The following GNGT2 variants were observed in gnomAD, a reference collection of about 807,000 sequenced individuals.
GNGT2 encodes the protein G protein subunit gamma transducin 2, also known as guanine nucleotide-binding protein G(I)/G(S)/G(O) subunit gamma-T2.
In GNGT2, 4 loss-of-function variants were observed where a neutral mutation model predicts 3.5. The observed-to-expected ratio is 1.13, with a 90% CI of 0.56 to 2.59. GNGT2 has a LOEUF of 2.59. Ranked by LOEUF, GNGT2 falls within the 30% of genes most tolerant of loss-of-function variation. GNGT2 has a pLI of 0.02. For missense variants in GNGT2, 64 were observed against 81.2 expected (o/e 0.79, Z 0.82); for synonymous variants, 31 against 29.5 (o/e 1.05, Z -0.17).
chr17:49,209,334 T>G (rs531342709), intron 1 of GNGT2: 1 of 152,524 alleles, frequency 6.6e-6, no homozygotes, highest in Non-Finnish European at 1.5e-5. Context: ...TGTTGCCCAT[T>G]GGATCCCCAC....
chr17:49,209,810 G>A (rs1400192698), intron 1 of GNGT2, among the ~76,000 whole-genome samples: 1 of 152,158 alleles, frequency 6.6e-6, no homozygotes, highest in Non-Finnish European at 1.5e-5. Context: ...CTAAGAATTT[G>A]AAATCAGAAC....
chr17:49,206,427 G>T lies in GNGT2; in HGVS notation c.*330C>A, dbSNP rs1377468260. ...AGGGAAAAGACGGAGGGGTTCCCAG[G>T]TGGTGTAAGTGCTTCCTAAGGACTG... is the stretch of plus-strand genomic sequence containing the variant. On this transcript the variant is annotated 3_prime_UTR_variant, in exon 4 of 4. Transcript: ENST00000507680. The T allele has an allele frequency of 1.5e-5, 4 of 258,940 alleles. No homozygotes were observed. The highest frequency in any genetic ancestry group is 2.9e-5 in the Non-Finnish European group (4 of 137,230). The allele number at this position is 258,940 out of a possible 1,614,324, so 16.0% of individuals were successfully genotyped here. A position where few individuals can be genotyped will look rare whatever the true frequency, so the allele number is the denominator to read the frequency against.
In GNGT2 at chr17:49,206,737, CAG is replaced by C. The variant is rs56070338; in HGVS notation, c.*18_*19del. 1,107 of 1,601,476 alleles carry C rather than the reference CAG, an allele frequency of 6.9e-4. No individual in the cohort carries two copies. Among genetic ancestry groups the C allele is most frequent in the Middle Eastern group, 1.3e-3 (8 of 5,982 alleles). On this transcript the variant is annotated 3_prime_UTR_variant, in exon 4 of 4. Transcript: ENST00000507680. ...GCTTGGCTGAAGAGGGACAGACACT[CAG>C]GGCAGGGCTCCATGCCATCAGCTTA...
intron 2 of GNGT2, among the ~76,000 whole-genome samples, chr17:49,208,131 C>T (rs2043122080): frequency 6.6e-6 from 1 of 151,978 alleles, no homozygotes; most frequent in Admixed American, 6.6e-5. Context: ...TGCCACTGCA[C>T]TCCAGCCTGG....
chr17:49,208,290 A>G (rs1390769500), intron 2 of GNGT2, among the ~76,000 whole-genome samples: 1 of 151,968 alleles, frequency 6.6e-6, no homozygotes, highest in African/African-American at 2.4e-5. Context: ...GTGAAACCCC[A>G]TCTCTACTAA....
At position 49,206,461 on chromosome 17, in the gene GNGT2, G is replaced by A; in HGVS notation, c.*296C>T. The A allele has an allele frequency of 5.8e-6, 2 of 344,896 alleles. No individual in the cohort carries two copies. The highest frequency in any genetic ancestry group is 8.3e-5 in the South Asian group (2 of 24,236). The allele number at this position is 344,896 out of a possible 1,614,324, so 21.4% of individuals were successfully genotyped here. A position where few individuals can be genotyped will look rare whatever the true frequency, so the allele number is the denominator to read the frequency against. ...GTGCTTCCTAAGGACTGCCCTCTGG[G>A]GTCTTGGGGTATTGCAGGCTTCTCA... On this transcript the variant is annotated 3_prime_UTR_variant, in exon 4 of 4. Transcript: ENST00000507680.
In GNGT2 at chr17:49,210,130, C is replaced by G. The variant is rs1246507053; in HGVS notation, c.-133+314G>C. 6.5e-6 allele frequency: 1 copy of G among 152,738 alleles called. No individual in the cohort carries two copies. The highest frequency in any genetic ancestry group is 2.1e-4 in the South Asian group (1 of 4,850). 9.5% of individuals were successfully genotyped at this position (152,738 alleles called of 1,614,324 possible). A position where few individuals can be genotyped will look rare whatever the true frequency, so the allele number is the denominator to read the frequency against. On this transcript the variant is annotated intron_variant, in intron 1 of 3. Transcript: ENST00000507680. This position sits in a 1 kb window ranked among gnomAD's most constrained non-coding sequence, Gnocchi z 4.2. Reference sequence around the variant, plus strand: ...GGCAACCTCTCTGGTCATGTCTTCCCGGTGTCCAACCCTGACCCCTCTTGC... The same window carrying G: ...GGCAACCTCTCTGGTCATGTCTTCCGGGTGTCCAACCCTGACCCCTCTTGC...
At chr17:49,208,494 G>A (rs898822552) in intron 2 of GNGT2, among the ~76,000 whole-genome samples, 2 of 151,442 alleles carry the variant, frequency 1.3e-5, no homozygotes, top group Non-Finnish European at 2.9e-5. Context: ...GAGAGACAAG[G>A]GGGTCTGGAG....
rs748023523 is a variant in GNGT2 at position 49,206,723 on chromosome 17, G to A, written c.*34C>T. Reference sequence around the variant, plus strand: ...TCTAGGAGACTTGGGCTTGGCTGAAGAGGGACAGACACTCAGGGCAGGGCT... The same window carrying A: ...TCTAGGAGACTTGGGCTTGGCTGAAAAGGGACAGACACTCAGGGCAGGGCT... On this transcript the variant is annotated 3_prime_UTR_variant, in exon 4 of 4. Transcript: ENST00000507680. 5.7e-6 allele frequency: 9 copies of A among 1,590,336 alleles called. No individual in the cohort carries two copies. Among genetic ancestry groups the A allele is most frequent in the Middle Eastern group, 1.7e-4 (1 of 5,968 alleles).
chr17:49,208,646 G>A (rs867121661), intron 2 of GNGT2, among the ~76,000 whole-genome samples, 199 bp downstream of exon 2: 3 of 151,898 alleles, frequency 2.0e-5, no homozygotes, highest in Middle Eastern at 6.8e-3. Flanking sequence ...AATTATTGTG[G>A]GTACTAAGAA....
At chr17:49,209,489 C>T (rs1181326024) in intron 1 of GNGT2, 1 of 152,326 alleles carries the variant, frequency 6.6e-6, no homozygotes, top group African/African-American at 2.4e-5. Flanking sequence ...GCCATGCCTC[C>T]CTCTGAGCCC....
intron 3 of GNGT2, 120 bp from the exon 4 acceptor site, chr17:49,207,002 C>T (rs1431091093): frequency 2.9e-6 from 3 of 1,035,816 alleles, no homozygotes; most frequent in African/African-American, 1.6e-5. Context: ...AGGAGAAAGA[C>T]ACAGAGGACA....
chr17:49,207,493 G>A, intron 2 of GNGT2, 49 bp from the exon 3 acceptor site: 1 of 1,019,994 alleles, frequency 9.8e-7, no homozygotes. Flanking sequence ...AGCTCTTCCA[G>A]CTCCCTCCAC....
At chr17:49,207,894 G>A (rs938295577) in intron 2 of GNGT2, among the ~76,000 whole-genome samples, 1 of 152,170 alleles carries the variant, frequency 6.6e-6, no homozygotes, top group Admixed American at 6.5e-5. Context: ...GGCTGGGCGC[G>A]GTGGCTCACC....
chr17:49,206,381 T>C lies in GNGT2; in HGVS notation c.*376A>G, dbSNP rs2043107271. The C allele has an allele frequency of 5.1e-6, 1 of 197,566 alleles. No homozygotes were observed. The highest frequency in any genetic ancestry group is 9.9e-5 in the South Asian group (1 of 10,074). The allele number at this position is 197,566 out of a possible 1,614,324, so 12.2% of individuals were successfully genotyped here. On this transcript the variant is annotated 3_prime_UTR_variant, in exon 4 of 4. Coordinates refer to ENST00000507680, the MANE Select transcript of GNGT2 (RefSeq NM_001198754.2). ...CAAACTACTCTGGCGTGGAAATGCT[T>C]TATTCCTAGGATGAGAGTAGAGGGA... is the stretch of plus-strand genomic sequence containing the variant.
At chr17:49,209,852 C>G (rs536855756) in intron 1 of GNGT2, among the ~76,000 whole-genome samples, 2 of 152,244 alleles carry the variant, frequency 1.3e-5, no homozygotes, top group Admixed American at 1.3e-4. Flanking sequence ...TACAACTGTC[C>G]TGTTAATGCG....
Position 49,210,473 on chromosome 17 carries a change from G to T in GNGT2, c.-162C>A, listed in dbSNP as rs1423254879. ...GCTTCCTCTGCTGGGTGGGATTGGGGGCTGGGCCCCCAAATGGGCCCCTGG... is the reference window on the plus strand; with the variant it reads ...GCTTCCTCTGCTGGGTGGGATTGGGTGCTGGGCCCCCAAATGGGCCCCTGG... On this transcript the variant is annotated 5_prime_UTR_variant, in exon 1 of 4. Coordinates refer to ENST00000507680, the MANE Select transcript of GNGT2 (RefSeq NM_001198754.2). The surrounding 1 kb of genome is among the most constrained non-coding windows in gnomAD (Gnocchi z 4.2). The T allele has an allele frequency of 4.9e-6, 2 of 411,088 alleles. No individual in the cohort carries two copies. Among genetic ancestry groups the T allele is most frequent in the African/African-American group, 2.0e-5 (1 of 49,456 alleles). 25.5% of individuals were successfully genotyped at this position (411,088 alleles called of 1,614,324 possible).
intron 2 of GNGT2, among the ~76,000 whole-genome samples, chr17:49,208,196 C>A (rs2043122542): frequency 6.6e-6 from 1 of 151,948 alleles, no homozygotes; most frequent in African/African-American, 2.4e-5. Context: ...CACTGTGGCT[C>A]ATGCCTGTAA....
chr17:49,208,555 T>G (rs1025080092), intron 2 of GNGT2, among the ~76,000 whole-genome samples: 4 of 152,002 alleles, frequency 2.6e-5, no homozygotes, highest in East Asian at 3.9e-4. Context: ...TTTCTCAGTG[T>G]GGCCTTAGGG....
Sources: gnomAD v4.1 joint callset for allele counts (sites outside exome capture counted in the v4.1 genomes callset) on GRCh38, gnomAD v4.1.1 for gene constraint, Gnocchi (gnomAD v3.1) non-coding constraint, MANE v1.5 for transcripts, NCBI Gene and HGNC (gene_info 2026-07-23, HGNC 2026-07-21) for gene names.